The following ITGA11 variants were observed in gnomAD, a reference collection of about 807,000 sequenced individuals.
The protein encoded by ITGA11 is integrin subunit alpha 11, also known as integrin alpha-11.
A neutral mutation model predicts 141.9 loss-of-function variants in ITGA11; 97 were observed. That is an observed-to-expected ratio of 0.68 (90% CI 0.58 to 0.81). The LOEUF (loss-of-function observed/expected upper bound fraction) is 0.81. Among genes scored for constraint, ITGA11 ranks in the 30% least tolerant of loss-of-function variants. ITGA11 has a pLI of 0.00. For missense variants in ITGA11, 1,387 were observed against 1,559.2 expected (o/e 0.89, Z 1.86); for synonymous variants, 658 against 624.6 (o/e 1.05, Z -0.80).
intron 2 of ITGA11, among the ~76,000 whole-genome samples, chr15:68,402,112 G>A (rs1472377412): frequency 2.6e-5 from 4 of 152,138 alleles, no homozygotes; most frequent in South Asian, 4.1e-4. Flanking sequence ...AGAGGGCAGC[G>A]TAGAACATTG....
At chr15:68,348,077 C>T (rs115409685) in intron 10 of ITGA11, among the ~76,000 whole-genome samples, 2,728 of 152,326 alleles carry the variant, frequency 0.018, 77 homozygotes, top group African/African-American at 0.061. Flanking sequence ...GTACATTAAG[C>T]ATATTCACAG....
intron 4 of ITGA11, among the ~76,000 whole-genome samples, chr15:68,363,278 A>C (rs1322251603): frequency 6.6e-6 from 1 of 152,166 alleles, no homozygotes; most frequent in African/African-American, 2.4e-5. Flanking sequence ...GCCCCAGAGA[A>C]TATATCACAC....
chr15:68,392,395 G>A (rs1039705593), intron 2 of ITGA11, among the ~76,000 whole-genome samples: 3 of 152,228 alleles, frequency 2.0e-5, no homozygotes, highest in Non-Finnish European at 4.4e-5. Context: ...CTTTTCCTCT[G>A]AGGGCATTTT....
At chr15:68,310,204 A>C (rs1893334787) in intron 26 of ITGA11, among the ~76,000 whole-genome samples, 1 of 152,222 alleles carries the variant, frequency 6.6e-6, no homozygotes, top group Middle Eastern at 3.2e-3. Flanking sequence ...AAGATCATTT[A>C]TAATATAAGG....
intron 9 of ITGA11, among the ~76,000 whole-genome samples, chr15:68,350,365 T>G (rs913493052): frequency 2.8e-5 from 4 of 144,616 alleles, no homozygotes; most frequent in African/African-American, 8.6e-5. Flanking sequence ...TTGTAATTTT[T>G]TTTTTAAAGA....
chr15:68,409,569 T>C (rs1352379411), intron 1 of ITGA11, among the ~76,000 whole-genome samples: 1 of 151,652 alleles, frequency 6.6e-6, no homozygotes, highest in Non-Finnish European at 1.5e-5. Flanking sequence ...TACCTATCAG[T>C]ACTACCTGAT....
At chr15:68,374,895 CTTTCAATGCA>C (rs1895690238) in intron 2 of ITGA11, among the ~76,000 whole-genome samples, 1 of 152,254 alleles carries the variant, frequency 6.6e-6, no homozygotes, top group Non-Finnish European at 1.5e-5. Flanking sequence ...GAATGAATCA[CTTTCAATGCA>C]ATTTAATTGC....
In ITGA11 at chr15:68,304,483, T is replaced by C. The variant is rs1567119747; in HGVS notation, c.3382-598A>G. Among the ~76,000 whole-genome samples, 1 of 152,208 alleles carries C rather than the reference T, an allele frequency of 6.6e-6. No individual in the cohort carries two copies. The highest frequency in any genetic ancestry group is 1.5e-5 in the Non-Finnish European group (1 of 68,032). ...CATAATTTTAAATACTTTTTTCCTA[T>C]GGAGGAAGGTGTCCCAAAGGCAAAA... On this transcript the variant is annotated intron_variant, in intron 28 of 29. Coordinates refer to ENST00000315757, the MANE Select transcript of ITGA11 (RefSeq NM_001004439.2). This position sits in a 1 kb window ranked among gnomAD's most constrained non-coding sequence, Gnocchi z 6.1.
rs1893121456 is a variant in ITGA11, at chr15:68,304,276, C to A, written c.3382-391G>T. Among the ~76,000 whole-genome samples the A allele has an allele frequency of 6.6e-6, 1 of 152,188 alleles. No homozygotes were observed. The highest frequency in any genetic ancestry group is 1.5e-5 in the Non-Finnish European group (1 of 68,044). ...CTTGCACCTCTTCTTTTTCTAGAGT[C>A]ACTTCCTGGGTGAACTCAGGGCTGA... On this transcript the variant is annotated intron_variant, in intron 28 of 29. Coordinates refer to ENST00000315757, the MANE Select transcript of ITGA11 (RefSeq NM_001004439.2). The surrounding 1 kb of genome is among the most constrained non-coding windows in gnomAD (Gnocchi z 6.1).
At position 68,328,597 on chromosome 15, in the gene ITGA11, T is replaced by C. The variant is rs145743406; in HGVS notation, c.1902-335A>G. Among the ~76,000 whole-genome samples, 1 of 152,156 alleles carries C rather than the reference T, an allele frequency of 6.6e-6. No homozygotes were observed. The highest frequency in any genetic ancestry group is 1.9e-4 in the East Asian group (1 of 5,200). ...TATAGCAGTGGTTCCCCACCCTGGA[T>C]GCACATGTGAGTCATCTGAAGAGCT... On this transcript the variant is annotated intron_variant, in intron 15 of 29. Transcript: ENST00000315757. This position sits in a 1 kb window ranked among gnomAD's most constrained non-coding sequence, Gnocchi z 4.8.
At chr15:68,427,467 A>G (rs1257131324) in intron 1 of ITGA11, among the ~76,000 whole-genome samples, 1 of 152,176 alleles carries the variant, frequency 6.6e-6, no homozygotes, top group African/African-American at 2.4e-5. Flanking sequence ...TCCTAAGCCC[A>G]TGCACATGCC....
At position 68,321,395 on chromosome 15, in the gene ITGA11, G is replaced by A. The variant is rs1251714862; in HGVS notation, c.2408+23C>T. The A allele has an allele frequency of 6.7e-7, 1 of 1,497,600 alleles. No homozygotes were observed. Among genetic ancestry groups the A allele is most frequent in the Non-Finnish European group, 9.1e-7 (1 of 1,102,468 alleles). The allele number at this position is 1,497,600 out of a possible 1,614,324, so 92.8% of individuals were successfully genotyped here. ...GCAGTGAAGGGGAAGGGGCGAGGGT[G>A]GGGGTGGAAGGAGCCAACTCACATG... On this transcript the variant is annotated intron_variant, in intron 19 of 29. Coordinates refer to ENST00000315757, the MANE Select transcript of ITGA11 (RefSeq NM_001004439.2). This position sits in a 1 kb window ranked among gnomAD's most constrained non-coding sequence, Gnocchi z 4.9.
chr15:68,381,642 A>T (rs1033659152), intron 2 of ITGA11, among the ~76,000 whole-genome samples: 1 of 150,470 alleles, frequency 6.6e-6, no homozygotes, highest in East Asian at 2.0e-4. Flanking sequence ...TGCAACCTCC[A>T]CCTCCCGGGC....
intron 1 of ITGA11, among the ~76,000 whole-genome samples, chr15:68,413,724 A>G (rs559140071): frequency 6.6e-6 from 1 of 152,202 alleles, no homozygotes; most frequent in Non-Finnish European, 1.5e-5. Context: ...GGCAGACGCC[A>G]GCTGACTTCC....
intron 10 of ITGA11, among the ~76,000 whole-genome samples, chr15:68,341,954 A>G (rs1343196685): frequency 5.3e-5 from 8 of 152,210 alleles, no homozygotes; most frequent in Admixed American, 5.2e-4. Flanking sequence ...TAACCCTGAC[A>G]GCAGCTGCAG....
rs78934239 is a variant in ITGA11 at position 68,352,528 on chromosome 15, A to G, written c.750-1126T>C. 7.9e-3 allele frequency among the ~76,000 whole-genome samples: 1,206 copies of G among 152,200 alleles called. 17 individuals carry two copies. The highest frequency in any genetic ancestry group is 0.026 in the African/African-American group (1,082 of 41,524). On this transcript the variant is annotated intron_variant, in intron 7 of 29. Coordinates refer to ENST00000315757, the MANE Select transcript of ITGA11 (RefSeq NM_001004439.2). ...TTTTATAAGGTTCTGGTGAGCATCC[A>G]GAGTTGAGACTCACTTTCTTTAGTA...
chr15:68,370,145 G>A (rs535895220), intron 2 of ITGA11, among the ~76,000 whole-genome samples: 17 of 152,268 alleles, frequency 1.1e-4, no homozygotes, highest in Non-Finnish European at 2.2e-4. Context: ...TTTCAGGCTC[G>A]TGTCCTTCAG....
At chr15:68,349,507 T>C (rs1414003721) in intron 9 of ITGA11, among the ~76,000 whole-genome samples, 2 of 152,218 alleles carry the variant, frequency 1.3e-5, no homozygotes, top group Non-Finnish European at 2.9e-5. Flanking sequence ...GATTTGGATA[T>C]TTGAGTTCTG....
chr15:68,317,141 C>A, intron 21 of ITGA11, 124 bp downstream of exon 21: 2 of 717,440 alleles, frequency 2.8e-6, no homozygotes, highest in South Asian at 1.6e-5. Flanking sequence ...TAAAAGCCAC[C>A]TCAGGCCTCC....
Sources: gnomAD v4.1 joint callset for allele counts (sites outside exome capture counted in the v4.1 genomes callset) on GRCh38, gnomAD v4.1.1 for gene constraint, Gnocchi (gnomAD v3.1) non-coding constraint, MANE v1.5 for transcripts, NCBI Gene and HGNC (gene_info 2026-07-23, HGNC 2026-07-21) for gene names.